Variants in WDPCP observed in about 807,000 individuals in gnomAD.
WDPCP encodes the protein WD repeat-containing and planar cell polarity effector protein fritz homolog.
WDPCP carries 71 observed loss-of-function variants against 93.1 expected under a neutral mutation model. That is an observed-to-expected ratio of 0.76 (90% confidence interval 0.63 to 0.93). The LOEUF is 0.93. Ranked by LOEUF, WDPCP falls within the 40% of genes least tolerant of loss-of-function variation. The pLI is 0.00. For synonymous variants in WDPCP, 315 were observed against 315.0 expected (o/e 1.00, Z 0.00); for missense variants, 844 against 887.4 (o/e 0.95, Z 0.62).
At chr2:63,247,743 CAG>C (rs1297280075) in intron 14 of WDPCP, among the ~76,000 whole-genome samples, 1 of 150,452 alleles carries the variant, frequency 6.6e-6, no homozygotes, top group Non-Finnish European at 1.5e-5. Context: ...GCATTTCAGA[CAG>C]TGAACAGTTA....
At chr2:63,135,308 C>G (rs1354856838) in intron 17 of WDPCP, among the ~76,000 whole-genome samples, 1 of 152,146 alleles carries the variant, frequency 6.6e-6, no homozygotes, top group East Asian at 1.9e-4. Flanking sequence ...TTCACAAAGG[C>G]TAATATAATT....
chr2:63,787,656 C>T (rs756057370), intron 2 of WDPCP, among the ~76,000 whole-genome samples: 1 of 152,054 alleles, frequency 6.6e-6, no homozygotes, highest in Non-Finnish European at 1.5e-5. Context: ...TGGGCACTGA[C>T]CATAATCCAC....
intron 3 of WDPCP, among the ~76,000 whole-genome samples, chr2:63,633,047 A>G (rs1325132639): frequency 6.6e-6 from 1 of 152,340 alleles, no homozygotes; most frequent in Non-Finnish European, 1.5e-5. Flanking sequence ...CAGAAACCTT[A>G]TAGGCCAGGA....
intron 12 of WDPCP, among the ~76,000 whole-genome samples, chr2:63,366,945 T>C (rs188582534): frequency 1.3e-5 from 2 of 152,164 alleles, no homozygotes; most frequent in East Asian, 3.9e-4. Context: ...GAATTATATA[T>C]GGTTACATAG....
chr2:63,532,064 T>C (rs1703897288), intron 1 of WDPCP, among the ~76,000 whole-genome samples: 1 of 152,040 alleles, frequency 6.6e-6, no homozygotes, highest in Non-Finnish European at 1.5e-5. Flanking sequence ...ACGTGACGCA[T>C]GCACAAGCTT....
intron 12 of WDPCP, among the ~76,000 whole-genome samples, chr2:63,341,420 C>T (rs1225403599): frequency 2.6e-5 from 4 of 152,216 alleles, no homozygotes; most frequent in Admixed American, 6.5e-5. Context: ...TGAGCCACCA[C>T]GCCCAGCCCC....
chr2:63,386,160 T>C (rs376579581), intron 10 of WDPCP, among the ~76,000 whole-genome samples: 3 of 152,178 alleles, frequency 2.0e-5, no homozygotes, highest in East Asian at 3.9e-4. Context: ...AAGAGTTTTC[T>C]TAGGACGTGA....
intron 2 of WDPCP, among the ~76,000 whole-genome samples, chr2:63,653,029 A>G (rs903728725): frequency 1.3e-5 from 2 of 149,026 alleles, no homozygotes; most frequent in Non-Finnish European, 3.0e-5. Context: ...AGGAATAAAT[A>G]AGATGAATCC....
intron 1 of WDPCP, among the ~76,000 whole-genome samples, chr2:63,542,554 A>G (rs1242014559): frequency 6.6e-6 from 1 of 152,218 alleles, no homozygotes; most frequent in Admixed American, 6.5e-5. Flanking sequence ...GGCTCCAACT[A>G]TTACAAAAAT....
intron 17 of WDPCP, among the ~76,000 whole-genome samples, chr2:63,126,666 G>GTTTTTTTT (rs763749429): frequency 8.9e-4 from 87 of 98,096 alleles, no homozygotes; most frequent in Non-Finnish European, 1.1e-3. Context: ...CTTGTTTTGT[G>GTTTTTTTT]TTTTTTTTTT....
At chr2:63,279,784 C>T (rs1683380433) in intron 13 of WDPCP, among the ~76,000 whole-genome samples, 1 of 151,996 alleles carries the variant, frequency 6.6e-6, no homozygotes, top group South Asian at 2.1e-4. Context: ...AATTAATGCA[C>T]ACAAATCAGT....
At chr2:63,583,458 C>T (rs576465917) in intron 1 of WDPCP, among the ~76,000 whole-genome samples, 4 of 151,992 alleles carry the variant, frequency 2.6e-5, no homozygotes, top group South Asian at 2.1e-4. Flanking sequence ...GCCAGGCGGG[C>T]GGATCAGGAA....
At chr2:63,800,568 A>G (rs1167482864) in intron 2 of WDPCP, among the ~76,000 whole-genome samples, 1 of 152,236 alleles carries the variant, frequency 6.6e-6, no homozygotes, top group Non-Finnish European at 1.5e-5. Flanking sequence ...CCCATAGCAG[A>G]TATGAATCTG....
At chr2:63,239,065 T>A (rs1210809946) in intron 14 of WDPCP, among the ~76,000 whole-genome samples, 1 of 152,216 alleles carries the variant, frequency 6.6e-6, no homozygotes, top group Admixed American at 6.5e-5. Flanking sequence ...AGCACTGGAA[T>A]ACTTTGAGTT....
chr2:63,568,871 G>C (rs531381412), intron 1 of WDPCP, among the ~76,000 whole-genome samples: 47 of 152,218 alleles, frequency 3.1e-4, no homozygotes, highest in Non-Finnish European at 6.3e-4. Context: ...AATTGTGAGA[G>C]CTAACAACAT....
At chr2:63,502,848 G>C (rs1358733689) in intron 1 of WDPCP, among the ~76,000 whole-genome samples, 1 of 151,780 alleles carries the variant, frequency 6.6e-6, no homozygotes, top group Non-Finnish European at 1.5e-5. Flanking sequence ...TGTGCAAAGT[G>C]CCAAAGAGAT....
intron 2 of WDPCP, among the ~76,000 whole-genome samples, chr2:63,773,121 A>G (rs985489186): frequency 4.8e-4 from 73 of 152,242 alleles, no homozygotes; most frequent in African/African-American, 1.7e-3. Flanking sequence ...TAAAATATGT[A>G]CATATGTATG....
At chr2:63,705,352 G>A (rs969686207) in intron 2 of WDPCP, among the ~76,000 whole-genome samples, 2 of 152,070 alleles carry the variant, frequency 1.3e-5, no homozygotes, top group Non-Finnish European at 1.5e-5. Context: ...TTTTGAATGT[G>A]TTTGCTCTTG....
At chr2:63,137,428 A>G (rs1015217521) in intron 17 of WDPCP, among the ~76,000 whole-genome samples, 6 of 151,952 alleles carry the variant, frequency 3.9e-5, no homozygotes, top group Non-Finnish European at 8.8e-5. Context: ...CTTCTTGTAT[A>G]TTAAGTTCCT....
Sources: allele counts gnomAD v4.1 joint callset (sites outside exome capture counted in the v4.1 genomes callset), GRCh38; gene constraint gnomAD v4.1.1; transcripts MANE v1.5; gene names NCBI Gene and HGNC (gene_info 2026-07-23, HGNC 2026-07-21).